MKLN1: variants seen among roughly 807,000 people sequenced by gnomAD.
MKLN1 encodes the protein muskelin.
MKLN1 carries 18 observed loss-of-function variants against 99.0 expected under a neutral mutation model. That is an observed-to-expected ratio of 0.18 (90% confidence interval 0.13 to 0.27). The LOEUF (loss-of-function observed/expected upper bound fraction) is 0.27. MKLN1 is among the 10% of genes least tolerant of loss of function. The pLI is 1.00. For missense variants in MKLN1, 621 were observed against 875.9 expected (o/e 0.71, Z 3.67); for synonymous variants, 288 against 293.2 (o/e 0.98, Z 0.18).
chr7:131,421,485 C>T (rs1028868615), intron 8 of MKLN1, among the ~76,000 whole-genome samples: 36 of 152,220 alleles, frequency 2.4e-4, no homozygotes, highest in African/African-American at 7.7e-4. Flanking sequence ...TCTGACATCC[C>T]TGGGATTGAA....
chr7:131,361,058 T>C (rs888061449), intron 1 of MKLN1, among the ~76,000 whole-genome samples: 21 of 152,196 alleles, frequency 1.4e-4, no homozygotes, highest in East Asian at 3.9e-4. Flanking sequence ...GAGTTTTTTT[T>C]CCCTTGTCTT....
intron 6 of MKLN1, among the ~76,000 whole-genome samples, chr7:131,411,014 C>T (rs1056122118): frequency 5.9e-5 from 9 of 152,102 alleles, no homozygotes; most frequent in Non-Finnish European, 1.0e-4. Context: ...TTGAATGCAA[C>T]AGTGACTTTG....
chr7:131,371,648 A>G (rs1793466984), intron 1 of MKLN1, among the ~76,000 whole-genome samples: 1 of 151,900 alleles, frequency 6.6e-6, no homozygotes, highest in Non-Finnish European at 1.5e-5. Context: ...TTTTCAGGTT[A>G]TGACACGGCT....
chr7:131,127,695 A>C (rs747116826), intron 1 of MKLN1, among the ~76,000 whole-genome samples: 1 of 152,196 alleles, frequency 6.6e-6, no homozygotes, highest in Non-Finnish European at 1.5e-5. Context: ...CCTGGAGCAT[A>C]GTATGTGTCT....
At chr7:131,308,569 GTTTTT>G (rs1286320551) in intron 3 of MKLN1, among the ~76,000 whole-genome samples, 1 of 138,228 alleles carries the variant, frequency 7.2e-6, no homozygotes, top group African/African-American at 2.6e-5. Flanking sequence ...CCTCAGGTAG[GTTTTT>G]TTTGTTTTGT....
chr7:131,365,707 T>C (rs1027503633), intron 1 of MKLN1, among the ~76,000 whole-genome samples: 7 of 152,196 alleles, frequency 4.6e-5, no homozygotes, highest in African/African-American at 1.4e-4. Context: ...GGGAGTCTTT[T>C]CCCCATTGCT....
rs190737757 is a variant in MKLN1 at position 131,419,258 on chromosome 7, T to G, written c.847+4548T>G. The stretch of plus-strand genomic sequence containing the variant: ...TATATATATATATATTTTTGTTTTT[T>G]TTTTTTTTTTGAGACAGAGTCTCGC... On this transcript the variant is annotated intron_variant, in intron 8 of 17. Coordinates refer to ENST00000352689, the MANE Select transcript of MKLN1 (RefSeq NM_013255.5). Among the ~76,000 whole-genome samples the G allele has an allele frequency of 6.3e-3, 896 of 143,198 alleles. 8 individuals carry two copies. The highest frequency in any genetic ancestry group is 0.022 in the African/African-American group (860 of 39,546). The allele number at this position is 143,198 out of a possible 152,430, so 93.9% of individuals were successfully genotyped here.
At chr7:131,188,171 A>G (rs1365252765) in intron 2 of MKLN1, among the ~76,000 whole-genome samples, 1 of 152,208 alleles carries the variant, frequency 6.6e-6, no homozygotes, top group Admixed American at 6.5e-5. Flanking sequence ...ATAAACATGA[A>G]TAAATAAATA....
intron 12 of MKLN1, 46 bp downstream of exon 12, chr7:131,445,949 G>T: frequency 1.5e-6 from 2 of 1,335,416 alleles, no homozygotes; most frequent in South Asian, 1.6e-5. Flanking sequence ...AACTACTTTA[G>T]GTAGAAAACT....
intron 2 of MKLN1, among the ~76,000 whole-genome samples, chr7:131,178,111 C>T (rs1796325725): frequency 6.6e-6 from 1 of 151,916 alleles, no homozygotes; most frequent in African/African-American, 2.4e-5. Flanking sequence ...CTTCTGCTTA[C>T]AACTTACTGT....
chr7:131,192,190 A>ACTGT lies in MKLN1; in HGVS notation c.-296-10667_-296-10666insCTGT, dbSNP rs1563247446. On this transcript the variant is annotated intron_variant, in intron 2 of 7. Coordinates refer to the MKLN1 transcript ENST00000416992. The stretch of plus-strand genomic sequence containing the variant: ...ATGTATAATATATAAAAATATATAA[A>ACTGT]ATATAATATATACAATATATAAATA... 5.7e-4 allele frequency among the ~76,000 whole-genome samples: 58 copies of ACTGT among 102,490 alleles called. 5 individuals carry two copies. The highest frequency in any genetic ancestry group is 1.3e-3 in the African/African-American group (32 of 23,764). The allele number at this position is 102,490 out of a possible 152,430, so 67.2% of individuals were successfully genotyped here.
chr7:131,403,579 T>C (rs1794616260), intron 6 of MKLN1, among the ~76,000 whole-genome samples: 1 of 152,192 alleles, frequency 6.6e-6, no homozygotes, highest in African/African-American at 2.4e-5. Context: ...TCCCTAAGTT[T>C]AATTATTTCT....
chr7:131,329,630 T>G (rs1334553178), intron 1 of MKLN1, among the ~76,000 whole-genome samples: 1 of 152,234 alleles, frequency 6.6e-6, no homozygotes, highest in Non-Finnish European at 1.5e-5. Context: ...ACGTCACTCC[T>G]TAAATTTTTG....
At chr7:131,161,975 ATATATATATATATATATATATATATG>A (rs1796059203) in intron 2 of MKLN1, among the ~76,000 whole-genome samples, 2 of 48,138 alleles carry the variant, frequency 4.2e-5, no homozygotes, top group Non-Finnish European at 3.7e-5. Context: ...ATATATATAT[ATATATATATATATATATATATATATG>A]TAACAGAGTG....
At chr7:131,185,557 G>A (rs945661244) in intron 2 of MKLN1, among the ~76,000 whole-genome samples, 3 of 151,722 alleles carry the variant, frequency 2.0e-5, no homozygotes, top group African/African-American at 4.8e-5. Flanking sequence ...CAGCCTGGGC[G>A]ACAGAGCAAG....
At chr7:131,370,480 GT>G (rs1401128290) in intron 1 of MKLN1, among the ~76,000 whole-genome samples, 3 of 126,008 alleles carry the variant, frequency 2.4e-5, no homozygotes, top group African/African-American at 8.9e-5. Context: ...TTTTTTTTTA[GT>G]AAGTTTTCTT....
At chr7:131,330,895 A>G (rs1424388811) in intron 1 of MKLN1, among the ~76,000 whole-genome samples, 1 of 152,124 alleles carries the variant, frequency 6.6e-6, no homozygotes, top group South Asian at 2.1e-4. Flanking sequence ...CTTTGAGACT[A>G]AAAAAAGGCC....
intron 3 of MKLN1, among the ~76,000 whole-genome samples, chr7:131,275,567 ATTTTT>A (rs869119196): frequency 0.016 from 88 of 5,572 alleles, no homozygotes; most frequent in African/African-American, 0.034. Context: ...ATATATATAT[ATTTTT>A]TTTTTTTTTT....
intron 10 of MKLN1, among the ~76,000 whole-genome samples, chr7:131,438,812 G>A (rs1285018417): frequency 6.6e-6 from 1 of 151,966 alleles, no homozygotes; most frequent in African/African-American, 2.4e-5. Context: ...TGGGAAATGG[G>A]AGGTGGTGCT....
Sources: gnomAD v4.1 joint callset for allele counts (sites outside exome capture counted in the v4.1 genomes callset) on GRCh38, gnomAD v4.1.1 for gene constraint, MANE v1.5 for transcripts, NCBI Gene and HGNC (gene_info 2026-07-23, HGNC 2026-07-21) for gene names.